MARCHF8: variants seen among roughly 807,000 people sequenced by gnomAD.
MARCHF8 encodes membrane associated ring-CH-type finger 8, also known as E3 ubiquitin-protein ligase MARCHF8.
MARCHF8 carries 40 observed loss-of-function variants against 51.6 expected under a neutral mutation model. The ratio of observed to expected loss-of-function variants is 0.77; its 90% CI spans 0.60 to 1.01. The LOEUF is 1.01. MARCHF8 is among the 50% of genes least tolerant of loss of function. The pLI is 0.00. For missense variants in MARCHF8, 685 were observed against 708.6 expected (o/e 0.97, Z 0.38); for synonymous variants, 263 against 280.3 (o/e 0.94, Z 0.62).
intron 1 of MARCHF8, among the ~76,000 whole-genome samples, chr10:45,549,101 A>C (rs1268047543): frequency 6.6e-6 from 1 of 152,156 alleles, no homozygotes; most frequent in Non-Finnish European, 1.5e-5. Context: ...CCTATAGATA[A>C]CGAAAGGGGG....
Position 45,542,828 on chromosome 10 carries a change from C to T in MARCHF8, c.-78-9539G>A, listed in dbSNP as rs183833704. 5.1e-4 allele frequency among the ~76,000 whole-genome samples: 77 copies of T among 152,258 alleles called. 1 individual carries two copies. The East Asian group carries it at 0.011, about 21-fold the overall frequency. The stretch of plus-strand genomic sequence containing the variant: ...ACAGATCAACATCTAATGCCACACA[C>T]TTTCCAAAAGTGGCATTATTCCTGG... On this transcript the variant is annotated intron_variant, in intron 1 of 6. Transcript: ENST00000319836.
intron 2 of MARCHF8, among the ~76,000 whole-genome samples, chr10:45,493,656 G>A (rs2043123563): frequency 6.6e-6 from 1 of 152,176 alleles, no homozygotes; most frequent in African/African-American, 2.4e-5. Context: ...GGGGGACTCA[G>A]ATTTCTGCAT....
At chr10:45,539,155 T>C (rs539067055), upstream of MARCHF8, among the ~76,000 whole-genome samples, 31 of 152,250 alleles carry the variant, frequency 2.0e-4, no homozygotes, top group Non-Finnish European at 1.2e-4. Flanking sequence ...GAACTCAGGA[T>C]TAAGAAACTC....
At chr10:45,458,636 T>C in intron 7 of MARCHF8, 93 bp from the exon 8 acceptor site, 1 of 1,232,204 alleles carries the variant, frequency 8.1e-7, no homozygotes, top group South Asian at 1.6e-5. Flanking sequence ...AACTGATTCT[T>C]TGTTGTTGTT....
intron 2 of MARCHF8, among the ~76,000 whole-genome samples, chr10:45,510,940 C>T (rs1367698833): frequency 1.3e-5 from 2 of 152,160 alleles, no homozygotes; most frequent in East Asian, 1.9e-4. Flanking sequence ...CCCTGCTTAG[C>T]GCTGCTCAGC....
intron 1 of MARCHF8, among the ~76,000 whole-genome samples, chr10:45,589,428 T>C (rs1012916774): frequency 6.6e-6 from 1 of 152,222 alleles, no homozygotes; most frequent in East Asian, 1.9e-4. Context: ...TTTCCACTAA[T>C]AGCTTTTTTG....
chr10:45,573,954 C>T (rs539543796), intron 1 of MARCHF8, among the ~76,000 whole-genome samples: 3 of 152,180 alleles, frequency 2.0e-5, no homozygotes, highest in Non-Finnish European at 4.4e-5. Context: ...CTGCCCAGCT[C>T]CCTGAATAGG....
At chr10:45,466,701 G>T (rs1371547089) in intron 3 of MARCHF8, among the ~76,000 whole-genome samples, 4 of 152,186 alleles carry the variant, frequency 2.6e-5, no homozygotes, top group Admixed American at 1.3e-4. Flanking sequence ...TTGGGAGGAG[G>T]TAAGGTCTTA....
chr10:45,577,859 A>G (rs1015900163), intron 1 of MARCHF8, among the ~76,000 whole-genome samples: 8 of 152,122 alleles, frequency 5.3e-5, no homozygotes, highest in Non-Finnish European at 1.2e-4. Flanking sequence ...CATCTCTACT[A>G]AAAATTTTAA....
chr10:45,553,307 A>G (rs1354839746), intron 1 of MARCHF8: 1 of 152,240 alleles, frequency 6.6e-6, no homozygotes, highest in African/African-American at 2.4e-5. Context: ...GTGAAACTAG[A>G]AAACACAGAA....
At chr10:45,569,087 T>C (rs1185260347) in intron 1 of MARCHF8, among the ~76,000 whole-genome samples, 1 of 133,004 alleles carries the variant, frequency 7.5e-6, no homozygotes, top group African/African-American at 2.8e-5. Flanking sequence ...AAAAAAAAAA[T>C]TGCAAAAAAA....
Position 45,489,393 on chromosome 10 carries a change from T to A in MARCHF8, c.127A>T (p.Met43Leu), listed in dbSNP as rs112911683. 6.2e-7 allele frequency: 1 copy of A among 1,613,028 alleles called. No individual in the cohort carries two copies. The highest frequency in any genetic ancestry group is 1.7e-5 in the Admixed American group (1 of 59,890). The change falls in exon 3 of 8, where the codon ATG becomes TTG. Residue 43 changes from methionine (M) to leucine (L), a missense_variant. Transcript: ENST00000453424. ...EQNEKTLGHF[M>L]SHSSNISKAG... Reference sequence around the variant, plus strand: ...TTAGAAATGTTGCTTGAATGACTCATGAAATGTCCCAAAGTCTTCTCATTC... The same window carrying A: ...TTAGAAATGTTGCTTGAATGACTCAAGAAATGTCCCAAAGTCTTCTCATTC...
intron 2 of MARCHF8, among the ~76,000 whole-genome samples, chr10:45,522,708 T>C (rs954214727): frequency 5.9e-5 from 9 of 152,238 alleles, no homozygotes; most frequent in African/African-American, 2.2e-4. Context: ...AGCAGTGCCC[T>C]GCTCTGCTTT....
intron 1 of MARCHF8, among the ~76,000 whole-genome samples, chr10:45,551,811 C>T (rs1251341088): frequency 2.0e-5 from 3 of 151,664 alleles, no homozygotes; most frequent in Non-Finnish European, 4.4e-5. Flanking sequence ...TCTCATCTAG[C>T]TATCTATCTA....
intron 2 of MARCHF8, among the ~76,000 whole-genome samples, chr10:45,525,108 T>C (rs1193918746): frequency 6.6e-6 from 1 of 152,238 alleles, no homozygotes; most frequent in Non-Finnish European, 1.5e-5. Flanking sequence ...TTGTTATCAC[T>C]TGAACATTGT....
At chr10:45,533,640 T>C (rs537764958) in intron 1 of MARCHF8, among the ~76,000 whole-genome samples, 1 of 152,286 alleles carries the variant, frequency 6.6e-6, no homozygotes, top group African/African-American at 2.4e-5. Context: ...GCATTTGTCC[T>C]GAAATAAGCA....
At chr10:45,537,931 GA>G (rs969442864), upstream of MARCHF8, among the ~76,000 whole-genome samples, 1 of 152,048 alleles carries the variant, frequency 6.6e-6, no homozygotes, top group Non-Finnish European at 1.5e-5. Flanking sequence ...ATAGTAAAAG[GA>G]CTAAGATAGA....
At chr10:45,510,704 T>C (rs893688595) in intron 2 of MARCHF8, among the ~76,000 whole-genome samples, 6 of 152,174 alleles carry the variant, frequency 3.9e-5, no homozygotes, top group South Asian at 4.1e-4. Flanking sequence ...TTAAACCTCA[T>C]TGTGGCAATA....
chr10:45,454,721 T>G lies in MARCHF8; in HGVS notation c.*3518A>C, dbSNP rs1007512731. 1.3e-5 allele frequency: 2 copies of G among 152,198 alleles called. No individual in the cohort carries two copies. Among genetic ancestry groups the G allele is most frequent in the Non-Finnish European group, 2.9e-5 (2 of 68,026 alleles). The allele number at this position is 152,198 out of a possible 1,614,324, so 9.4% of individuals were successfully genotyped here. A position where few individuals can be genotyped will look rare whatever the true frequency, so the allele number is the denominator to read the frequency against. The stretch of plus-strand genomic sequence containing the variant: ...ACAAAAGAATACAAAACTAGACATT[T>G]AGATCACTAGAAACTTTCTAAGGTA... On this transcript the variant is annotated 3_prime_UTR_variant, in exon 8 of 8. Coordinates refer to ENST00000453424, the MANE Select transcript of MARCHF8 (RefSeq NM_001282866.2).
Sources: allele counts gnomAD v4.1 joint callset (sites outside exome capture counted in the v4.1 genomes callset), GRCh38; gene constraint gnomAD v4.1.1; transcripts MANE v1.5; gene names NCBI Gene and HGNC (gene_info 2026-07-23, HGNC 2026-07-21).